KCTD19: variants seen among roughly 807,000 people sequenced by gnomAD.
KCTD19 encodes BTB/POZ domain-containing protein KCTD19.
In KCTD19, 67 loss-of-function variants were observed where a neutral mutation model predicts 103.5. The observed-to-expected ratio is 0.65, with a 90% CI of 0.53 to 0.79. The LOEUF (loss-of-function observed/expected upper bound fraction) is 0.79. Ranked by LOEUF, KCTD19 falls within the 30% of genes least tolerant of loss-of-function variation. KCTD19 has a pLI of 0.00. For missense variants in KCTD19, 980 were observed against 1,136.1 expected (o/e 0.86, Z 1.98); for synonymous variants, 439 against 452.2 (o/e 0.97, Z 0.37).
chr16:67,297,931 C>T (rs1018427229), intron 6 of KCTD19, among the ~76,000 whole-genome samples: 1 of 151,990 alleles, frequency 6.6e-6, no homozygotes, highest in Non-Finnish European at 1.5e-5. Flanking sequence ...GCTGGAACTA[C>T]AGGCACCCGC....
Position 67,305,525 on chromosome 16 carries a change from G to A in KCTD19, c.301-954C>T, listed in dbSNP as rs933218931. On this transcript the variant is annotated intron_variant, in intron 2 of 15. Coordinates refer to ENST00000304372, the MANE Select transcript of KCTD19 (RefSeq NM_001100915.3). ...GGCGACCAGAGGTGGGCTGAGGCTG[G>A]AGTGGAGCACCCCAACTAGGCAAGC... The A allele has an allele frequency of 6.8e-6, 3 of 442,350 alleles. No individual in the cohort carries two copies. The Admixed American group carries it at 7.5e-5, about 11-fold the overall frequency. The allele number at this position is 442,350 out of a possible 1,614,324, so 27.4% of individuals were successfully genotyped here. A position where few individuals can be genotyped will look rare whatever the true frequency, so the allele number is the denominator to read the frequency against.
chr16:67,303,108 C>CGGGGGGGGGGGCG lies in KCTD19; in HGVS notation c.643+37_643+38insCGCCCCCCCCCCC. 1 of 798,078 alleles carries CGGGGGGGGGGGCG rather than the reference C, an allele frequency of 1.3e-6. No individual in the cohort carries two copies. Among genetic ancestry groups the CGGGGGGGGGGGCG allele is most frequent in the Non-Finnish European group, 2.1e-6 (1 of 476,660 alleles). The allele number at this position is 798,078 out of a possible 1,614,324, so 49.4% of individuals were successfully genotyped here. A position where few individuals can be genotyped will look rare whatever the true frequency, so the allele number is the denominator to read the frequency against. ...ATGGGGAGGGGTGAATGGGCCCTAT[C>CGGGGGGGGGGGCG]AGCCCGCCCCCCACCCCACCCCGGA... On this transcript the variant is annotated intron_variant, in intron 4 of 15. Coordinates refer to ENST00000304372, the MANE Select transcript of KCTD19 (RefSeq NM_001100915.3). This position sits in a 1 kb window ranked among gnomAD's most constrained non-coding sequence, Gnocchi z 4.3.
chr16:67,320,698 C>T lies in KCTD19; in HGVS notation c.191G>A (p.Arg64Lys), dbSNP rs1247623213. 6.2e-7 allele frequency: 1 copy of T among 1,614,126 alleles called. No homozygotes were observed. The highest frequency in any genetic ancestry group is 1.7e-5 in the Admixed American group (1 of 60,000). The change falls in exon 2 of 16, where the codon AGG becomes AAG. Residue 64 changes from arginine to lysine, a missense_variant. Transcript: ENST00000304372. The surrounding 1 kb of genome is among the most constrained non-coding windows in gnomAD (Gnocchi z 4.0). ...LFIDRDGSTFRHVHYYLYTSK... is the reference protein window; with the variant it reads ...LFIDRDGSTFKHVHYYLYTSK... ...GGTGTAGAGGTAATAGTGCACGTGC[C>T]TAAATGTGGAACCATCTCTGTCGAT... is the stretch of plus-strand genomic sequence containing the variant.
intron 11 of KCTD19, 84 bp from the exon 12 acceptor site, chr16:67,294,255 C>A (rs1019843710): frequency 5.8e-5 from 79 of 1,359,894 alleles, no homozygotes; most frequent in Non-Finnish European, 4.0e-6. Context: ...GCTGGGCCTC[C>A]AAGACTTCAC....
At chr16:67,302,574 G>GAGA (rs2036845354) in intron 4 of KCTD19, 1 of 156,722 alleles carries the variant, frequency 6.4e-6, no homozygotes. Flanking sequence ...TCATCCTGGG[G>GAGA]CAGTAGGGGG....
intron 1 of KCTD19, among the ~76,000 whole-genome samples, chr16:67,325,019 A>G (rs2037118444): frequency 6.6e-6 from 1 of 152,154 alleles, no homozygotes; most frequent in South Asian, 2.1e-4. Flanking sequence ...ACCAGAAAGC[A>G]TAAATATGCA....
chr16:67,307,486 T>C (rs1048964412), intron 2 of KCTD19, among the ~76,000 whole-genome samples: 1 of 152,040 alleles, frequency 6.6e-6, no homozygotes, highest in Non-Finnish European at 1.5e-5. Flanking sequence ...GCTAATTTTT[T>C]TGTATTTTTA....
intron 6 of KCTD19, 39 bp from the exon 7 acceptor site, chr16:67,297,702 T>A (rs567300993): frequency 1.2e-6 from 2 of 1,603,504 alleles, no homozygotes; most frequent in Admixed American, 3.4e-5. Context: ...AACATCAGCA[T>A]TGTACCCCAA....
intron 7 of KCTD19, 142 bp downstream of exon 7, chr16:67,297,352 AGTTTCCCTT>A (rs2036776617): frequency 4.1e-6 from 3 of 737,386 alleles, no homozygotes; most frequent in African/African-American, 3.5e-5. Flanking sequence ...TTAATATGAA[AGTTTCCCTT>A]TTGTAAAAAT....
At chr16:67,294,744 C>T (rs2036745112) in intron 10 of KCTD19, 50 bp from the exon 11 acceptor site, 1 of 1,334,068 alleles carries the variant, frequency 7.5e-7, no homozygotes, top group African/African-American at 1.4e-5. Flanking sequence ...TCCATCAGGC[C>T]ATTGGCCAGT....
chr16:67,303,109 A>AGGGGGGGG lies in KCTD19; in HGVS notation c.643+36_643+37insCCCCCCCC. 3 of 483,252 alleles carry AGGGGGGGG rather than the reference A, an allele frequency of 6.2e-6. No individual in the cohort carries two copies. The highest frequency in any genetic ancestry group is 1.6e-5 in the South Asian group (1 of 63,684). 29.9% of individuals were successfully genotyped at this position (483,252 alleles called of 1,614,324 possible). ...TGGGGAGGGGTGAATGGGCCCTATC[A>AGGGGGGGG]GCCCGCCCCCCACCCCACCCCGGAC... On this transcript the variant is annotated intron_variant, in intron 4 of 15. Coordinates refer to ENST00000304372, the MANE Select transcript of KCTD19 (RefSeq NM_001100915.3). The surrounding 1 kb of genome is among the most constrained non-coding windows in gnomAD (Gnocchi z 4.3).
At chr16:67,316,730 T>G (rs1029201670) in intron 2 of KCTD19, among the ~76,000 whole-genome samples, 1 of 152,200 alleles carries the variant, frequency 6.6e-6, no homozygotes, top group African/African-American at 2.4e-5. Context: ...TTCACTCCTG[T>G]ATCTCCAGAA....
intron 2 of KCTD19, among the ~76,000 whole-genome samples, chr16:67,319,724 T>C (rs1192525867): frequency 6.9e-6 from 1 of 145,178 alleles, no homozygotes; most frequent in African/African-American, 2.7e-5. Context: ...TAAAGTTTCT[T>C]GGAAGACAAA....
rs2037096241 is a variant in KCTD19 at position 67,323,363 on chromosome 16, A to G, written c.4-2478T>C. 6.6e-6 allele frequency among the ~76,000 whole-genome samples: 1 copy of G among 152,232 alleles called. No homozygotes were observed. The highest frequency in any genetic ancestry group is 6.5e-5 in the Admixed American group (1 of 15,290). On this transcript the variant is annotated intron_variant, in intron 1 of 15. Coordinates refer to ENST00000304372, the MANE Select transcript of KCTD19 (RefSeq NM_001100915.3). The surrounding 1 kb of genome is among the most constrained non-coding windows in gnomAD (Gnocchi z 4.1). ...CCACACAATGGAATATTGTTTGTCAATACGAAGGAATGGGATGAACATGGT... is the reference window on the plus strand; with the variant it reads ...CCACACAATGGAATATTGTTTGTCAGTACGAAGGAATGGGATGAACATGGT...
chr16:67,299,481 C>T lies in KCTD19; in HGVS notation c.868G>A (p.Ala290Thr), dbSNP rs1378525167. ...GGGTACTTGACCAGCAGACCCAGGG[C>T]CATTGTGTAGAGCGGTTTCACGGAC... ...LESVKPLYTM[A>T]LGLLVKYPDS... Residue 290 changes from alanine to threonine, a missense_variant, in exon 6 of 16, where the codon GCC becomes ACC. By Grantham distance (58) the Ala-to-Thr change is moderately conservative (BLOSUM62 0). Transcript: ENST00000304372. The T allele has an allele frequency of 1.9e-6, 3 of 1,614,212 alleles. No homozygotes were observed. The highest frequency in any genetic ancestry group is 3.3e-5 in the Admixed American group (2 of 60,030).
chr16:67,293,437 G>C lies in KCTD19; in HGVS notation c.2218+107C>G, dbSNP rs572214166. 63 of 1,217,132 alleles carry C rather than the reference G, an allele frequency of 5.2e-5. No individual in the cohort carries two copies. Among genetic ancestry groups the C allele is most frequent in the Non-Finnish European group, 6.9e-5 (59 of 860,924 alleles). 75.4% of individuals were successfully genotyped at this position (1,217,132 alleles called of 1,614,324 possible). ...TGGCACAGAGATGGCATTGGTGAGC[G>C]GGGGGGTCTAGTCCTCCTTTGTCAC... On this transcript the variant is annotated intron_variant, in intron 12 of 15. Coordinates refer to ENST00000304372, the MANE Select transcript of KCTD19 (RefSeq NM_001100915.3). This position sits in a 1 kb window ranked among gnomAD's most constrained non-coding sequence, Gnocchi z 4.0.
chr16:67,292,326 C>T (rs1244877840), intron 12 of KCTD19, among the ~76,000 whole-genome samples: 1 of 152,220 alleles, frequency 6.6e-6, no homozygotes, highest in African/African-American at 2.4e-5. Context: ...TCAGAAGTGA[C>T]ACCCTGGGCT....
intron 2 of KCTD19, among the ~76,000 whole-genome samples, chr16:67,318,004 G>A (rs2037030893): frequency 1.3e-5 from 2 of 152,218 alleles, no homozygotes; most frequent in South Asian, 4.1e-4. Flanking sequence ...GTGGAAATGT[G>A]TGAAGCTGTT....
In KCTD19 at chr16:67,303,108, C is replaced by CGGGGGGGGGGGGGGGGCGGGGGG; in HGVS notation, c.643+37_643+38insCCCCCCGCCCCCCCCCCCCCCCC. ...ATGGGGAGGGGTGAATGGGCCCTAT[C>CGGGGGGGGGGGGGGGGCGGGGGG]AGCCCGCCCCCCACCCCACCCCGGA... On this transcript the variant is annotated intron_variant, in intron 4 of 15. Coordinates refer to ENST00000304372, the MANE Select transcript of KCTD19 (RefSeq NM_001100915.3). The surrounding 1 kb of genome is among the most constrained non-coding windows in gnomAD (Gnocchi z 4.3). The CGGGGGGGGGGGGGGGGCGGGGGG allele has an allele frequency of 1.3e-6, 1 of 798,078 alleles. No homozygotes were observed. Among genetic ancestry groups the CGGGGGGGGGGGGGGGGCGGGGGG allele is most frequent in the Non-Finnish European group, 2.1e-6 (1 of 476,660 alleles). The allele number at this position is 798,078 out of a possible 1,614,324, so 49.4% of individuals were successfully genotyped here.
Sources: gnomAD v4.1 joint callset for allele counts (sites outside exome capture counted in the v4.1 genomes callset) on GRCh38, gnomAD v4.1.1 for gene constraint, Gnocchi (gnomAD v3.1) non-coding constraint, MANE v1.5 for transcripts, NCBI Gene and HGNC (gene_info 2026-07-23, HGNC 2026-07-21) for gene names.